GALNT13: variants seen among roughly 807,000 people sequenced by gnomAD.
GALNT13 encodes polypeptide N-acetylgalactosaminyltransferase 13.
Under a neutral mutation model 64.2 loss-of-function variants are expected in GALNT13, and 28 were observed. The ratio of observed to expected loss-of-function variants is 0.44; its 90% CI spans 0.32 to 0.60. The LOEUF (loss-of-function observed/expected upper bound fraction) is 0.60, where lower values mean the gene tolerates loss of function less well. GALNT13 is among the 20% of genes least tolerant of loss of function. The pLI is 0.05. For synonymous variants in GALNT13, 214 were observed against 224.6 expected (o/e 0.95, Z 0.42); for missense variants, 577 against 669.8 (o/e 0.86, Z 1.53).
intron 9 of GALNT13, among the ~76,000 whole-genome samples, chr2:154,341,001 A>T (rs1311134339): frequency 1.3e-5 from 2 of 152,068 alleles, no homozygotes; most frequent in African/African-American, 4.8e-5. Context: ...CATATATAAT[A>T]CATAGATATT....
chr2:153,878,211 C>G (rs936812956), intron 1 of GALNT13, among the ~76,000 whole-genome samples: 1 of 152,106 alleles, frequency 6.6e-6, no homozygotes, highest in African/African-American at 2.4e-5. Context: ...AACTGAATCT[C>G]AAAATAAATA....
At chr2:154,055,340 T>C (rs1035780832) in intron 3 of GALNT13, among the ~76,000 whole-genome samples, 1 of 152,088 alleles carries the variant, frequency 6.6e-6, no homozygotes, top group Admixed American at 6.6e-5. Flanking sequence ...TAAATTACAA[T>C]TGAGTGCAGA....
intron 1 of GALNT13, among the ~76,000 whole-genome samples, chr2:153,888,494 C>T (rs1394164767): frequency 6.6e-6 from 1 of 151,836 alleles, no homozygotes; most frequent in African/African-American, 2.4e-5. Context: ...AGAACTTTTG[C>T]CATGTGATTC....
At chr2:153,281,840 G>A in the GALNT13 span, among the ~76,000 whole-genome samples, 5 of 146,388 alleles carry the variant, frequency 3.4e-5, no homozygotes, top group Non-Finnish European at 6.0e-5. Context: ...TTTTTTTCAG[G>A]TTTGACTTTG....
chr2:153,478,647 G>T, the GALNT13 span: 1 of 1,165,584 alleles, frequency 8.6e-7, no homozygotes, highest in Non-Finnish European at 1.2e-6. Context: ...GTGCCGGGCT[G>T]AGCGCTCACT....
rs542607208 is a variant in GALNT13 at position 153,892,581 on chromosome 2, C to T, written c.-176-8355C>T. On this transcript the variant is annotated intron_variant, in intron 1 of 12. Coordinates refer to ENST00000392825, the MANE Select transcript of GALNT13 (RefSeq NM_052917.4). The stretch of plus-strand genomic sequence containing the variant: ...CAAAAAGACAAAATTAATATCTAAG[C>T]AATCTTTAATTTCTAGAAATTTATT... Among the ~76,000 whole-genome samples, 17 of 152,094 alleles carry T rather than the reference C, an allele frequency of 1.1e-4. No homozygotes were observed. The South Asian group carries it at 3.5e-3, about 31-fold the overall frequency.
At chr2:153,140,371 G>T in the GALNT13 span, among the ~76,000 whole-genome samples, 1 of 152,114 alleles carries the variant, frequency 6.6e-6, no homozygotes, top group Non-Finnish European at 1.5e-5. Context: ...GGATTCCAAA[G>T]GTTGTATACA....
chr2:153,811,488 T>C, the GALNT13 span, among the ~76,000 whole-genome samples: 1 of 152,324 alleles, frequency 6.6e-6, no homozygotes. Context: ...ATATGTCTTA[T>C]TTGTGTTCTG....
the GALNT13 span, among the ~76,000 whole-genome samples, chr2:153,485,480 G>C: frequency 6.6e-6 from 1 of 152,144 alleles, no homozygotes; most frequent in African/African-American, 2.4e-5. Context: ...TATCTGGAAG[G>C]TATTTATGTG....
At chr2:154,330,718 A>T (rs1695122829) in intron 9 of GALNT13, among the ~76,000 whole-genome samples, 1 of 152,146 alleles carries the variant, frequency 6.6e-6, no homozygotes, top group African/African-American at 2.4e-5. Context: ...ACCATGGATC[A>T]AAAATTCATA....
chr2:153,723,944 A>G, the GALNT13 span, among the ~76,000 whole-genome samples: 823 of 147,986 alleles, frequency 5.6e-3, 5 homozygotes, highest in East Asian at 0.03. Context: ...CACAGAATTG[A>G]AAAAAACTAC....
chr2:153,454,801 C>T, the GALNT13 span, among the ~76,000 whole-genome samples: 2 of 152,310 alleles, frequency 1.3e-5, no homozygotes, highest in Admixed American at 6.5e-5. Flanking sequence ...TATGTGCAGG[C>T]ACACAGCGTA....
upstream of GALNT13, among the ~76,000 whole-genome samples, chr2:153,870,319 C>T (rs996537262): frequency 2.6e-5 from 4 of 152,050 alleles, no homozygotes; most frequent in South Asian, 2.1e-4. Context: ...AATGGAATTG[C>T]GCCTTTTTTT....
At chr2:154,051,570 G>A (rs1045473418) in intron 3 of GALNT13, among the ~76,000 whole-genome samples, 3 of 152,052 alleles carry the variant, frequency 2.0e-5, no homozygotes, top group Non-Finnish European at 4.4e-5. Context: ...GATTACAGGC[G>A]TGAGCCACCG....
At chr2:153,140,147 A>G in the GALNT13 span, among the ~76,000 whole-genome samples, 3 of 152,160 alleles carry the variant, frequency 2.0e-5, no homozygotes, top group South Asian at 2.1e-4. Flanking sequence ...ACAACCAAAA[A>G]CTATTTATCA....
intron 9 of GALNT13, among the ~76,000 whole-genome samples, chr2:154,375,347 A>C (rs1697925983): frequency 6.6e-6 from 1 of 152,144 alleles, no homozygotes; most frequent in African/African-American, 2.4e-5. Flanking sequence ...ATAAAAAGAT[A>C]GAGCTATACA....
chr2:153,579,312 A>G, the GALNT13 span, among the ~76,000 whole-genome samples: 1 of 151,980 alleles, frequency 6.6e-6, no homozygotes, highest in Non-Finnish European at 1.5e-5. Context: ...CCAAATTTTC[A>G]TGAGCTAATA....
At chr2:153,086,713 ATTTAT>A in the GALNT13 span, among the ~76,000 whole-genome samples, 12,291 of 149,672 alleles carry the variant, frequency 0.082, 628 homozygotes, top group Non-Finnish European at 0.12. Context: ...ATTTTATTTT[ATTTAT>A]TTTATTTTAT....
intron 2 of GALNT13, among the ~76,000 whole-genome samples, chr2:153,912,687 C>T (rs188360473): frequency 6.6e-6 from 1 of 152,260 alleles, no homozygotes; most frequent in East Asian, 1.9e-4. Flanking sequence ...CAAGGCTTAG[C>T]TCAGGACTCC....
Sources: allele counts gnomAD v4.1 joint callset (sites outside exome capture counted in the v4.1 genomes callset), GRCh38; gene constraint gnomAD v4.1.1; transcripts MANE v1.5; gene names NCBI Gene and HGNC (gene_info 2026-07-23, HGNC 2026-07-21).